Variants in FTO observed in about 807,000 individuals in gnomAD.
FTO encodes FTO alpha-ketoglutarate dependent dioxygenase.
A neutral mutation model predicts 63.9 loss-of-function variants in FTO; 47 were observed. That is an observed-to-expected ratio of 0.74 (90% CI 0.58 to 0.94). FTO has a LOEUF of 0.94. Among genes scored for constraint, FTO ranks in the 40% least tolerant of loss-of-function variants. FTO has a pLI of 0.00. For synonymous variants in FTO, 207 were observed against 224.4 expected (o/e 0.92, Z 0.69); for missense variants, 562 against 618.1 (o/e 0.91, Z 0.96).
At chr16:53,859,372 GAA>G (rs36075966) in intron 4 of FTO, among the ~76,000 whole-genome samples, 2 of 151,922 alleles carry the variant, frequency 1.3e-5, no homozygotes, top group African/African-American at 4.8e-5. Flanking sequence ...CCTGGGGAGA[GAA>G]AAAGGATGTT....
At chr16:54,048,993 ATTT>A (rs1186144344) in intron 8 of FTO, among the ~76,000 whole-genome samples, 2 of 150,538 alleles carry the variant, frequency 1.3e-5, no homozygotes, top group African/African-American at 2.4e-5. Context: ...GTGCATGGAG[ATTT>A]TTTTTTTCTC....
At chr16:53,880,272 C>T (rs1810299628) in intron 6 of FTO, among the ~76,000 whole-genome samples, 2 of 152,122 alleles carry the variant, frequency 1.3e-5, no homozygotes, top group Non-Finnish European at 2.9e-5. Context: ...GCTGGGATTA[C>T]AGTCATGAGC....
chr16:53,770,865 T>G (rs185120402), intron 1 of FTO, among the ~76,000 whole-genome samples: 1 of 152,262 alleles, frequency 6.6e-6, no homozygotes, highest in East Asian at 1.9e-4. Context: ...TCTTAAATTC[T>G]TCTATTCTCC....
At chr16:53,979,662 A>T (rs1371903838) in intron 8 of FTO, among the ~76,000 whole-genome samples, 1 of 152,040 alleles carries the variant, frequency 6.6e-6, no homozygotes, top group Non-Finnish European at 1.5e-5. Context: ...TGAGCTCATT[A>T]TCAAAGTGTT....
chr16:54,051,117 C>G (rs1205888697), intron 8 of FTO, among the ~76,000 whole-genome samples: 1 of 152,212 alleles, frequency 6.6e-6, no homozygotes, highest in Non-Finnish European at 1.5e-5. Flanking sequence ...AAAGAGTACT[C>G]TTCTCAAGAA....
intron 8 of FTO, among the ~76,000 whole-genome samples, chr16:54,051,491 A>ATC (rs2144332680): frequency 6.6e-6 from 1 of 152,368 alleles, no homozygotes; most frequent in East Asian, 1.9e-4. Context: ...TTTGCCGTGG[A>ATC]TCTGCCCACC....
At chr16:53,956,288 T>C (rs1372480174) in intron 8 of FTO, among the ~76,000 whole-genome samples, 2 of 152,196 alleles carry the variant, frequency 1.3e-5, no homozygotes, top group East Asian at 3.9e-4. Context: ...GCCGTTGATA[T>C]GCTAAATGTC....
intron 7 of FTO, among the ~76,000 whole-genome samples, chr16:53,922,684 A>G (rs1166664809): frequency 2.0e-5 from 3 of 152,232 alleles, no homozygotes; most frequent in Non-Finnish European, 4.4e-5. Context: ...TAGTGGGTGA[A>G]GCTAATAGAC....
At chr16:54,096,013 C>T (rs930373669) in intron 8 of FTO, among the ~76,000 whole-genome samples, 6 of 152,214 alleles carry the variant, frequency 3.9e-5, no homozygotes, top group Non-Finnish European at 5.9e-5. Context: ...TGTTTATTAC[C>T]TGACTTTCCT....
chr16:53,736,408 G>A (rs1020775774), intron 1 of FTO, among the ~76,000 whole-genome samples: 2 of 149,922 alleles, frequency 1.3e-5, no homozygotes, highest in African/African-American at 2.5e-5. Context: ...CCTCACCCAA[G>A]TCAATATCGA....
chr16:53,997,394 A>G (rs190491004), intron 8 of FTO, among the ~76,000 whole-genome samples: 2,183 of 152,214 alleles, frequency 0.014, 54 homozygotes, highest in African/African-American at 0.05. Context: ...GGACACAGCC[A>G]AACCGTATCA....
At chr16:53,955,704 G>T (rs1020883498) in intron 8 of FTO, among the ~76,000 whole-genome samples, 1 of 152,222 alleles carries the variant, frequency 6.6e-6, no homozygotes, top group African/African-American at 2.4e-5. Context: ...TAGTTTAGTT[G>T]TTGGGAAAGA....
At chr16:53,984,422 A>G (rs564247754) in intron 8 of FTO, among the ~76,000 whole-genome samples, 1 of 139,960 alleles carries the variant, frequency 7.1e-6, no homozygotes, top group Admixed American at 8.1e-5. Context: ...TCCCCAGCTC[A>G]AGTGATCCTC....
At chr16:53,972,850 A>G (rs551105631) in intron 8 of FTO, among the ~76,000 whole-genome samples, 8 of 152,226 alleles carry the variant, frequency 5.3e-5, no homozygotes, top group Non-Finnish European at 8.8e-5. Context: ...ATGGAATAGT[A>G]GAGATACCAT....
chr16:54,062,665 G>C (rs2085611088), intron 8 of FTO, among the ~76,000 whole-genome samples: 1 of 152,160 alleles, frequency 6.6e-6, no homozygotes, highest in Non-Finnish European at 1.5e-5. Context: ...AGTGAGGCGA[G>C]GTAGTGTCAC....
chr16:53,733,178 T>C (rs1305941749), intron 1 of FTO, among the ~76,000 whole-genome samples: 2 of 152,150 alleles, frequency 1.3e-5, no homozygotes, highest in East Asian at 3.9e-4. Flanking sequence ...GGCGGGAGGA[T>C]CACCTGAGGT....
rs1230413811 is a variant in FTO, at chr16:54,031,821, A to G, written c.1365-79941A>G. Among the ~76,000 whole-genome samples, 3 of 152,218 alleles carry G rather than the reference A, an allele frequency of 2.0e-5. No homozygotes were observed. The East Asian group carries it at 5.8e-4, about 29-fold the overall frequency. ...ATACCTTAGCAAACCTTAAGTCCTT[A>G]TCACAATTCTAACCTTGTGGGCTTT... is the stretch of plus-strand genomic sequence containing the variant. On this transcript the variant is annotated intron_variant, in intron 8 of 8. Coordinates refer to ENST00000471389, the MANE Select transcript of FTO (RefSeq NM_001080432.3).
At chr16:53,759,379 C>T (rs1389766273) in intron 1 of FTO, among the ~76,000 whole-genome samples, 2 of 152,014 alleles carry the variant, frequency 1.3e-5, no homozygotes, top group Non-Finnish European at 1.5e-5. Context: ...ACCAAAATAT[C>T]AGAAGGAAAG....
chr16:53,843,501 T>C (rs561164619), intron 3 of FTO, among the ~76,000 whole-genome samples: 1 of 152,252 alleles, frequency 6.6e-6, no homozygotes, highest in Non-Finnish European at 1.5e-5. Flanking sequence ...TTTCCTTTTA[T>C]GTATTGTGCC....
Sources: allele counts gnomAD v4.1 joint callset (sites outside exome capture counted in the v4.1 genomes callset), GRCh38; gene constraint gnomAD v4.1.1; transcripts MANE v1.5; gene names NCBI Gene and HGNC (gene_info 2026-07-23, HGNC 2026-07-21).